The following VWA3B variants were observed in gnomAD, a reference collection of about 807,000 sequenced individuals.
VWA3B encodes von Willebrand factor A domain containing 3B, also known as von Willebrand factor A domain-containing protein 3B.
VWA3B carries 138 observed loss-of-function variants against 158.3 expected under a neutral mutation model. The observed-to-expected ratio is 0.87, with a 90% CI of 0.76 to 1.00. VWA3B has a LOEUF of 1.00. Among genes scored for constraint, VWA3B ranks in the 50% least tolerant of loss-of-function variants. The probability of loss-of-function intolerance (pLI) is 0.00; values close to 1 mark genes in which losing one functional copy is unlikely to be tolerated. For synonymous variants in VWA3B, 596 were observed against 587.3 expected (o/e 1.01, Z -0.21); for missense variants, 1,555 against 1,565.1 (o/e 0.99, Z 0.11).
At position 98,193,145 on chromosome 2, in the gene VWA3B, GAGA is replaced by G. The variant is rs1574042119; in HGVS notation, c.1605+112_1605+114del. The stretch of plus-strand genomic sequence containing the variant: ...AAAATTCCTAAGAAAGCCAAATTCA[GAGA>G]AGTACTCCCTTTTGTTAGTTAAAGA... On this transcript the variant is annotated intron_variant, in intron 11 of 27. Coordinates refer to ENST00000477737, the MANE Select transcript of VWA3B (RefSeq NM_144992.5). 14 of 1,349,334 alleles carry G rather than the reference GAGA, an allele frequency of 1.0e-5. No individual in the cohort carries two copies. In the East Asian group the frequency reaches 3.1e-4, roughly 30 times the overall value. 83.6% of individuals were successfully genotyped at this position (1,349,334 alleles called of 1,614,324 possible).
chr2:98,128,478 T>G, intron 6 of VWA3B, 70 bp downstream of exon 6: 1 of 1,543,064 alleles, frequency 6.5e-7, no homozygotes, highest in Non-Finnish European at 8.8e-7. Context: ...ACAGTGGGTC[T>G]TGCATTCTTC....
intron 2 of VWA3B, among the ~76,000 whole-genome samples, chr2:98,094,696 A>G (rs140082317): frequency 6.6e-6 from 1 of 152,206 alleles, no homozygotes; most frequent in African/African-American, 2.4e-5. Flanking sequence ...AAAAATCATC[A>G]CCCAGATCGA....
At chr2:98,145,729 T>TC (rs972936464) in intron 7 of VWA3B, among the ~76,000 whole-genome samples, 1 of 151,014 alleles carries the variant, frequency 6.6e-6, no homozygotes, top group African/African-American at 2.4e-5. Context: ...TCCTGAGTGT[T>TC]TTTTTTTTGA....
intron 3 of VWA3B, among the ~76,000 whole-genome samples, chr2:98,117,633 G>C (rs1674631488): frequency 6.6e-6 from 1 of 152,130 alleles, no homozygotes; most frequent in South Asian, 2.1e-4. Flanking sequence ...GAGGGATACT[G>C]TAAGAGGGAC....
At chr2:98,131,410 C>G (rs1164205994) in intron 6 of VWA3B, among the ~76,000 whole-genome samples, 2 of 152,200 alleles carry the variant, frequency 1.3e-5, no homozygotes, top group African/African-American at 4.8e-5. Context: ...GTAATAAACA[C>G]AGGGTGCAGA....
intron 19 of VWA3B, among the ~76,000 whole-genome samples, chr2:98,242,626 C>G (rs1393846908): frequency 6.6e-6 from 1 of 150,628 alleles, no homozygotes; most frequent in Non-Finnish European, 1.5e-5. Context: ...CTGCACATAG[C>G]TTTGTGGCCA....
In VWA3B at chr2:98,172,344, GGTCAGGGGC is replaced by G. The variant is rs1157671768; in HGVS notation, c.1115-8671_1115-8663del. 4.4e-4 allele frequency among the ~76,000 whole-genome samples: 61 copies of G among 138,638 alleles called. 1 individual carries two copies. Among genetic ancestry groups the G allele is most frequent in the South Asian group, 1.2e-3 (5 of 4,240 alleles). The allele number at this position is 138,638 out of a possible 152,430, so 91.0% of individuals were successfully genotyped here. ...CAGCCAAACTCTGCGTCATTCTGCT[GGTCAGGGGC>G]CTGCTGGCCAGGGGCCTGCTGGCAT... On this transcript the variant is annotated intron_variant, in intron 8 of 27. Coordinates refer to ENST00000477737, the MANE Select transcript of VWA3B (RefSeq NM_144992.5).
chr2:98,222,372 T>C (rs561600141), intron 14 of VWA3B, among the ~76,000 whole-genome samples: 1 of 152,292 alleles, frequency 6.6e-6, no homozygotes, highest in Non-Finnish European at 1.5e-5. Flanking sequence ...CCCACACATA[T>C]AAGAAGTACA....
chr2:98,250,809 A>G (rs1169078392), intron 20 of VWA3B, among the ~76,000 whole-genome samples: 1 of 152,148 alleles, frequency 6.6e-6, no homozygotes, highest in African/African-American at 2.4e-5. Context: ...GCTTGAGGTG[A>G]TGGATACCCC....
At chr2:98,247,037 G>A (rs1044846706) in intron 19 of VWA3B, among the ~76,000 whole-genome samples, 33 of 151,532 alleles carry the variant, frequency 2.2e-4, no homozygotes, top group Admixed American at 1.8e-3. Context: ...TCGCACTGTC[G>A]CCCAGGCTGC....
chr2:98,140,279 A>G (rs1186667076), intron 7 of VWA3B, among the ~76,000 whole-genome samples: 1 of 152,212 alleles, frequency 6.6e-6, no homozygotes, highest in African/African-American at 2.4e-5. Context: ...CCTTCCTCCC[A>G]GCACTGACCC....
intron 15 of VWA3B, among the ~76,000 whole-genome samples, chr2:98,229,455 T>G (rs1184518659): frequency 1.3e-5 from 2 of 152,182 alleles, no homozygotes; most frequent in Non-Finnish European, 2.9e-5. Context: ...AAGTTTTCCT[T>G]TGTATGGCTG....
At chr2:98,170,071 G>A (rs1355585222) in intron 8 of VWA3B, among the ~76,000 whole-genome samples, 7 of 152,154 alleles carry the variant, frequency 4.6e-5, no homozygotes, top group Non-Finnish European at 8.8e-5. Context: ...AGGTGGCAGT[G>A]AGTGGTGATC....
At chr2:98,314,906 C>G (rs1158836128), downstream of VWA3B, among the ~76,000 whole-genome samples, 1 of 151,518 alleles carries the variant, frequency 6.6e-6, no homozygotes, top group Admixed American at 6.6e-5. Flanking sequence ...ACCTGTAATC[C>G]CAGTTACTTG....
chr2:98,247,146 C>T (rs534109262), intron 19 of VWA3B, among the ~76,000 whole-genome samples: 18 of 151,574 alleles, frequency 1.2e-4, no homozygotes, highest in East Asian at 5.8e-4. Flanking sequence ...TACAGGCACC[C>T]GCCACCTCCC....
chr2:98,248,786 C>G (rs553944143), intron 19 of VWA3B, among the ~76,000 whole-genome samples: 1 of 152,040 alleles, frequency 6.6e-6, no homozygotes, highest in Non-Finnish European at 1.5e-5. Context: ...AACCTATCAG[C>G]GTGTGTCCCT....
chr2:98,150,078 T>C (rs182199310), intron 7 of VWA3B, among the ~76,000 whole-genome samples: 1 of 152,368 alleles, frequency 6.6e-6, no homozygotes, highest in Non-Finnish European at 1.5e-5. Context: ...TATTTTAGGA[T>C]AGTTCCTTAT....
At chr2:98,123,083 T>C (rs886120870) in intron 5 of VWA3B, among the ~76,000 whole-genome samples, 3 of 152,178 alleles carry the variant, frequency 2.0e-5, no homozygotes, top group African/African-American at 4.8e-5. Flanking sequence ...AAAAAACACA[T>C]GTGTGTGTGG....
At chr2:98,115,793 C>T (rs1162730600) in intron 3 of VWA3B, 47 bp downstream of exon 3, 1 of 1,486,290 alleles carries the variant, frequency 6.7e-7, no homozygotes, top group African/African-American at 1.4e-5. Context: ...ATGGTGCTGA[C>T]ATCACATCGG....
Sources: allele counts gnomAD v4.1 joint callset (sites outside exome capture counted in the v4.1 genomes callset), GRCh38; gene constraint gnomAD v4.1.1; transcripts MANE v1.5; gene names NCBI Gene and HGNC (gene_info 2026-07-23, HGNC 2026-07-21).